The following NAA25 variants were observed in gnomAD, a reference collection of about 807,000 sequenced individuals.
The protein encoded by NAA25 is N-alpha-acetyltransferase 25, NatB auxiliary subunit.
A neutral mutation model predicts 132.5 loss-of-function variants in NAA25; 30 were observed. The observed-to-expected ratio is 0.23, with a 90% confidence interval of 0.17 to 0.31. The LOEUF is 0.31. NAA25 is among the 10% of genes least tolerant of loss of function. NAA25 has a pLI of 1.00. For synonymous variants in NAA25, 359 were observed against 401.9 expected (o/e 0.89, Z 1.28); for missense variants, 771 against 1,150.4 (o/e 0.67, Z 4.77).
chr12:112,042,991 T>G lies in NAA25; in HGVS notation c.2374+97A>C, dbSNP rs1331601658. 2.5e-6 allele frequency: 3 copies of G among 1,208,816 alleles called. No individual in the cohort carries two copies. In the East Asian group the frequency reaches 7.3e-5, roughly 29 times the overall value. The allele number at this position is 1,208,816 out of a possible 1,614,324, so 74.9% of individuals were successfully genotyped here. A position where few individuals can be genotyped will look rare whatever the true frequency, so the allele number is the denominator to read the frequency against. On this transcript the variant is annotated intron_variant, in intron 19 of 23. Transcript: ENST00000261745. ...TGCAGAACAGCTTCCAGCTTCCATG[T>G]ACTCTAAAATTTTCCAGATGTGAGG...
chr12:112,044,137 T>C (rs2078341875), intron 17 of NAA25, among the ~76,000 whole-genome samples: 1 of 151,672 alleles, frequency 6.6e-6, no homozygotes, highest in Admixed American at 6.6e-5. Context: ...TTCACCGTGT[T>C]AGCCAGGATG....
intron 8 of NAA25, among the ~76,000 whole-genome samples, chr12:112,075,274 T>C (rs1335588392): frequency 1.3e-5 from 2 of 151,786 alleles, no homozygotes; most frequent in Non-Finnish European, 2.9e-5. Context: ...CTGCAACCTC[T>C]GCCTCCCAGG....
intron 11 of NAA25, 54 bp from the exon 12 acceptor site, chr12:112,061,442 T>C: frequency 1.6e-6 from 2 of 1,246,632 alleles, no homozygotes; most frequent in South Asian, 1.2e-5. Flanking sequence ...TAGTCTTCAG[T>C]AGGCCATAAT....
At chr12:112,064,998 C>T (rs1401552940) in intron 11 of NAA25, among the ~76,000 whole-genome samples, 1 of 152,052 alleles carries the variant, frequency 6.6e-6, no homozygotes, top group Non-Finnish European at 1.5e-5. Flanking sequence ...CGCGCCATTG[C>T]ACTCTAGCCT....
chr12:112,035,830 T>A (rs1034008218), intron 22 of NAA25, among the ~76,000 whole-genome samples: 1 of 151,994 alleles, frequency 6.6e-6, no homozygotes, highest in African/African-American at 2.4e-5. Context: ...TACGGGCATG[T>A]GCCACCATGC....
chr12:112,083,212 G>A (rs2078997298), intron 4 of NAA25, among the ~76,000 whole-genome samples: 1 of 152,182 alleles, frequency 6.6e-6, no homozygotes, highest in African/African-American at 2.4e-5. Context: ...GGGCACCGTG[G>A]CTCACGCCTG....
At chr12:112,065,177 A>G (rs561245449) in intron 11 of NAA25, among the ~76,000 whole-genome samples, 3 of 152,206 alleles carry the variant, frequency 2.0e-5, no homozygotes, top group South Asian at 4.2e-4. Context: ...CCTGGCCAAC[A>G]TGGTGAAACC....
At chr12:112,093,294 C>G (rs1787535588) in intron 1 of NAA25, among the ~76,000 whole-genome samples, 158 bp from the exon 2 acceptor site, 1 of 152,016 alleles carries the variant, frequency 6.6e-6, no homozygotes, top group South Asian at 2.1e-4. Flanking sequence ...AATCCCAGCA[C>G]TCTGGGAGCC....
At chr12:112,043,596 C>T (rs780214996) in intron 18 of NAA25, 29 bp downstream of exon 18, 1 of 1,607,818 alleles carries the variant, frequency 6.2e-7, no homozygotes, top group Non-Finnish European at 8.5e-7. Flanking sequence ...ATTATTGCAA[C>T]TTTGATGGTA....
chr12:112,084,761 C>A (rs1488557463), intron 4 of NAA25, among the ~76,000 whole-genome samples: 1 of 151,294 alleles, frequency 6.6e-6, no homozygotes, highest in Non-Finnish European at 1.5e-5. Flanking sequence ...CCACTGCACT[C>A]CAGCCTGGAG....
At chr12:112,068,839 AT>A in intron 11 of NAA25, 40 bp downstream of exon 11, 1 of 1,124,618 alleles carries the variant, frequency 8.9e-7, no homozygotes, top group Admixed American at 2.3e-5. Flanking sequence ...GTTTCAACAA[AT>A]AGAGGCACCC....
At chr12:112,076,273 C>G (rs2136898046) in intron 7 of NAA25, among the ~76,000 whole-genome samples, 1 of 152,122 alleles carries the variant, frequency 6.6e-6, no homozygotes, top group South Asian at 2.1e-4. Flanking sequence ...TATTTTACTT[C>G]AAAGAAAAAA....
chr12:112,048,915 G>A (rs2078425309), intron 15 of NAA25, among the ~76,000 whole-genome samples: 1 of 150,966 alleles, frequency 6.6e-6, no homozygotes, highest in Non-Finnish European at 1.5e-5. Flanking sequence ...AAAAAGACAG[G>A]CTGCTCCTTG....
chr12:112,044,416 A>C (rs1449864669), intron 17 of NAA25, among the ~76,000 whole-genome samples: 2 of 151,900 alleles, frequency 1.3e-5, no homozygotes, highest in Admixed American at 6.6e-5. Flanking sequence ...CACACCTGTT[A>C]TCCCAGCACT....
At chr12:112,097,760 G>A (rs2079235393) in intron 1 of NAA25, among the ~76,000 whole-genome samples, 1 of 152,104 alleles carries the variant, frequency 6.6e-6, no homozygotes. Context: ...GCCACAGCTT[G>A]GTGTGGCTAC....
At chr12:112,066,464 C>T (rs2078720521) in intron 11 of NAA25, among the ~76,000 whole-genome samples, 1 of 152,082 alleles carries the variant, frequency 6.6e-6, no homozygotes, top group African/African-American at 2.4e-5. Context: ...TCTCAGTGAG[C>T]CAAATTCTGA....
At chr12:112,091,617 C>CG (rs1161776218) in intron 2 of NAA25, among the ~76,000 whole-genome samples, 12 of 151,498 alleles carry the variant, frequency 7.9e-5, no homozygotes, top group African/African-American at 2.7e-4. Flanking sequence ...CGCTTGAGTC[C>CG]GGGGGGTCAA....
intron 1 of NAA25, among the ~76,000 whole-genome samples, chr12:112,097,045 C>T (rs2079221738): frequency 1.3e-5 from 2 of 152,100 alleles, no homozygotes; most frequent in South Asian, 4.2e-4. Flanking sequence ...TTTCCAGTGC[C>T]CCTGCTGAAG....
chr12:112,048,078 T>C (rs1303887262), intron 16 of NAA25, among the ~76,000 whole-genome samples: 1 of 152,140 alleles, frequency 6.6e-6, no homozygotes, highest in Admixed American at 6.6e-5. Flanking sequence ...TTGATGACCA[T>C]GACCTAAATG....
Sources: gnomAD v4.1 joint callset for allele counts (sites outside exome capture counted in the v4.1 genomes callset) on GRCh38, gnomAD v4.1.1 for gene constraint, MANE v1.5 for transcripts, NCBI Gene and HGNC (gene_info 2026-07-23, HGNC 2026-07-21) for gene names.